Variants in CES5A observed in about 807,000 individuals in gnomAD.
CES5A encodes the protein carboxylesterase 5A.
In CES5A, 67 loss-of-function variants were observed where a neutral mutation model predicts 62.9. The ratio of observed to expected loss-of-function variants is 1.07; its 90% CI spans 0.88 to 1.31. The LOEUF (loss-of-function observed/expected upper bound fraction) is 1.31. CES5A is among the 50% of genes most tolerant of loss of function. The pLI is 0.00. For missense variants in CES5A, 748 were observed against 708.5 expected, an observed-to-expected ratio of 1.06 and a Z score of -0.63; for synonymous variants, 296 against 280.8, an observed-to-expected ratio of 1.05 and a Z score of -0.54.
At chr16:55,946,356 T>C (rs2034494598) in intron 2 of CES5A, among the ~76,000 whole-genome samples, 1 of 151,842 alleles carries the variant, frequency 6.6e-6, no homozygotes, top group Admixed American at 6.6e-5. Context: ...GGGAGCCTTG[T>C]GAAAAAAAAA....
intron 1 of CES5A, among the ~76,000 whole-genome samples, chr16:55,924,819 G>C (rs1294727702): frequency 6.6e-6 from 1 of 151,986 alleles, no homozygotes; most frequent in East Asian, 1.9e-4. Flanking sequence ...TCTACATGCA[G>C]AAGAATGAAA....
chr16:55,935,369 T>G (rs2034362803), intron 2 of CES5A, among the ~76,000 whole-genome samples: 1 of 152,250 alleles, frequency 6.6e-6, no homozygotes, highest in African/African-American at 2.4e-5. Flanking sequence ...AGCTTTCAAC[T>G]GATTGGATGA....
intron 1 of CES5A, among the ~76,000 whole-genome samples, chr16:55,924,582 T>A (rs923355754): frequency 6.6e-6 from 1 of 151,898 alleles, no homozygotes; most frequent in Non-Finnish European, 1.5e-5. Flanking sequence ...CTGAAATGTA[T>A]ATGGAATCAC....
exon 1 of CES5A, chr16:55,955,859 T>C: frequency 5.2e-6 from 8 of 1,536,016 alleles, no homozygotes; most frequent in Non-Finnish European, 7.0e-6. Flanking sequence ...GGCCATGGCA[T>C]GAAGCAGGGC....
upstream of CES5A, chr16:55,875,404 T>C (rs1305919661): frequency 5.1e-6 from 7 of 1,368,638 alleles, no homozygotes; most frequent in East Asian, 1.6e-4. Flanking sequence ...AGCAAGACTT[T>C]CCTGTTCTGA....
intron 1 of CES5A, among the ~76,000 whole-genome samples, chr16:55,911,031 C>G (rs763444609): frequency 3.9e-5 from 6 of 152,154 alleles, no homozygotes; most frequent in Non-Finnish European, 7.3e-5. Flanking sequence ...GGCTGCTTTT[C>G]CTTCTCTTTG....
chr16:55,863,415 G>T lies in CES5A; in HGVS notation c.743C>A (p.Ala248Asp). 1 of 1,608,980 alleles carries T rather than the reference G, an allele frequency of 6.2e-7. No individual in the cohort carries two copies. Among genetic ancestry groups the T allele is most frequent in the Non-Finnish European group, 8.5e-7 (1 of 1,176,366 alleles). ...SPMAKGLFHK[A>D]IMESGVAIIP... is the part of the protein sequence containing the mutation. Reference sequence around the variant, plus strand: ...GATGGCCACCCCACTCTCCATGATGGCTTTGTGGAATAAGCCTTTGGCCAT... The same window carrying T: ...GATGGCCACCCCACTCTCCATGATGTCTTTGTGGAATAAGCCTTTGGCCAT... Residue 248 changes from alanine to aspartate, a missense_variant, in exon 6 of 13, where the codon GCC becomes GAC. By Grantham distance (126) the Ala-to-Asp change is moderately radical. Transcript: ENST00000290567.
rs1220548105 is a variant in CES5A, at chr16:55,875,237, C to T, written c.-16G>A. On this transcript the variant is annotated 5_prime_UTR_variant, in exon 1 of 13. Transcript: ENST00000290567. ...TCCCACTCATTTGGCTGCCTGCCTGCACTCTGTGAACATTGACGGCGGCTG... is the reference window on the plus strand; with the variant it reads ...TCCCACTCATTTGGCTGCCTGCCTGTACTCTGTGAACATTGACGGCGGCTG... 6.8e-6 allele frequency: 11 copies of T among 1,612,168 alleles called. No homozygotes were observed. The highest frequency in any genetic ancestry group is 6.7e-5 in the East Asian group (3 of 44,816).
At chr16:55,929,691 A>C (rs776082634), upstream of CES5A, among the ~76,000 whole-genome samples, 15 of 152,186 alleles carry the variant, frequency 9.9e-5, no homozygotes, top group Non-Finnish European at 2.2e-4. Flanking sequence ...ACATGAAGAC[A>C]GCATCCGACA....
chr16:55,885,643 G>A (rs1269985108), intron 1 of CES5A, among the ~76,000 whole-genome samples: 2 of 152,142 alleles, frequency 1.3e-5, no homozygotes, highest in Admixed American at 6.5e-5. Flanking sequence ...CCCAGAAATG[G>A]GTCTGCCCTT....
At chr16:55,890,263 G>A (rs1424875845) in intron 1 of CES5A, among the ~76,000 whole-genome samples, 2 of 151,974 alleles carry the variant, frequency 1.3e-5, no homozygotes, top group East Asian at 1.9e-4. Context: ...ATTTTTGAGT[G>A]TAAGAAATAC....
rs767368876 is a variant in CES5A at position 55,866,061 on chromosome 16, G to A, written c.607C>T (p.Leu203=). The change falls in exon 5 of 13, where the codon CTG becomes TTG. Residue 203 remains leucine (L), a synonymous_variant. Transcript: ENST00000290567. ...NWAFKDQVAA[L]SWVQKNIEFF... is the part of the protein sequence containing the mutation. ...TCGATGTTCTTCTGGACCCAGGACA[G>A]AGCAGCCACCTGGTCCTTGAAGGCC... 2 of 1,614,136 alleles carry A rather than the reference G, an allele frequency of 1.2e-6. No homozygotes were observed. Among genetic ancestry groups the A allele is most frequent in the East Asian group, 2.2e-5 (1 of 44,878 alleles).
At chr16:55,885,986 C>T in intron 1 of CES5A, among the ~76,000 whole-genome samples, 1 of 152,234 alleles carries the variant, frequency 6.6e-6, no homozygotes. Flanking sequence ...CACGTTGTCT[C>T]CCTCTACTGC....
chr16:55,908,475 C>T (rs1324577862), intron 1 of CES5A, among the ~76,000 whole-genome samples: 3 of 152,196 alleles, frequency 2.0e-5, no homozygotes, highest in Admixed American at 1.3e-4. Flanking sequence ...ATTCTCCTGC[C>T]TCAGCCTCCC....
chr16:55,907,841 C>T lies in CES5A; in HGVS notation c.-256+17482G>A, dbSNP rs571523801. Among the ~76,000 whole-genome samples the T allele has an allele frequency of 2.3e-3, 347 of 152,232 alleles. 2 individuals carry two copies. Among genetic ancestry groups the T allele is most frequent in the Non-Finnish European group, 4.1e-3 (278 of 67,992 alleles). On this transcript the variant is annotated intron_variant, in intron 1 of 12. Transcript: ENST00000518005. ...ACTGTCCCTTCTTGTGACTGATGAG[C>T]GGGTCTGTGGAATTAATGAGGAAAT...
chr16:55,859,763 T>C, intron 7 of CES5A, 76 bp from the exon 8 acceptor site: 1 of 1,471,822 alleles, frequency 6.8e-7, no homozygotes, highest in South Asian at 1.3e-5. Context: ...TCCCAAATCC[T>C]GGCCAAGAAA....
At chr16:55,927,011 A>G (rs1326292271), upstream of CES5A, among the ~76,000 whole-genome samples, 5 of 152,216 alleles carry the variant, frequency 3.3e-5, no homozygotes, top group African/African-American at 7.2e-5. Context: ...TAAAATTTCC[A>G]TTGATGCTGG....
chr16:55,913,993 G>A (rs963091501), intron 1 of CES5A, among the ~76,000 whole-genome samples: 7 of 152,056 alleles, frequency 4.6e-5, no homozygotes, highest in Non-Finnish European at 7.4e-5. Flanking sequence ...ATCCACATCC[G>A]GGCCTACTTA....
At chr16:55,915,094 TTGA>T (rs1406575014) in intron 1 of CES5A, among the ~76,000 whole-genome samples, 1 of 152,082 alleles carries the variant, frequency 6.6e-6, no homozygotes, top group African/African-American at 2.4e-5. Flanking sequence ...AGTCTGTGTG[TTGA>T]TATTACTCCA....
Sources: gnomAD v4.1 joint callset for allele counts (sites outside exome capture counted in the v4.1 genomes callset) on GRCh38, gnomAD v4.1.1 for gene constraint, MANE v1.5 for transcripts, NCBI Gene and HGNC (gene_info 2026-07-23, HGNC 2026-07-21) for gene names.